CAPN3: variants seen among roughly 807,000 people sequenced by gnomAD.
CAPN3 encodes calpain-3.
In CAPN3, 88 loss-of-function variants were observed where a neutral mutation model predicts 114.0. That is an observed-to-expected ratio of 0.77 (90% CI 0.65 to 0.92). The LOEUF (loss-of-function observed/expected upper bound fraction) is 0.92. CAPN3 is among the 40% of genes least tolerant of loss of function. The pLI, the probability that CAPN3 is intolerant of heterozygous loss-of-function variation, is 0.00. For synonymous variants in CAPN3, 386 were observed against 382.9 expected, an observed-to-expected ratio of 1.01 and a Z score of -0.09; for missense variants, 1,028 against 1,069.0, an observed-to-expected ratio of 0.96 and a Z score of 0.53.
At chr15:42,370,292 C>T (rs1380770989) in intron 1 of CAPN3, among the ~76,000 whole-genome samples, 1 of 152,170 alleles carries the variant, frequency 6.6e-6, no homozygotes, top group Non-Finnish European at 1.5e-5. Context: ...TGTATCTTCT[C>T]AGCCAGGAGT....
At chr15:42,370,029 C>T (rs552070304) in intron 1 of CAPN3, among the ~76,000 whole-genome samples, 23 of 152,124 alleles carry the variant, frequency 1.5e-4, no homozygotes, top group Middle Eastern at 3.4e-3. Flanking sequence ...CCCGGCACCA[C>T]GCTTGGCTAA....
intron 13 of CAPN3, 38 bp from the exon 14 acceptor site, chr15:42,403,703 G>A: frequency 6.2e-7 from 1 of 1,602,820 alleles, no homozygotes; most frequent in Non-Finnish European, 8.5e-7. Context: ...GCTTGCTTCT[G>A]GTGACACTGA....
chr15:42,412,118 A>G lies in CAPN3; in HGVS notation c.*345A>G. On this transcript the variant is annotated 3_prime_UTR_variant, in exon 24 of 24. Coordinates refer to ENST00000397163, the MANE Select transcript of CAPN3 (RefSeq NM_000070.3). ...GCAGAAGCACCTGCCGGTGGCACTCAGCACCTCCTTGTGCTAGAGCCCTCC... is the reference window on the plus strand; with the variant it reads ...GCAGAAGCACCTGCCGGTGGCACTCGGCACCTCCTTGTGCTAGAGCCCTCC... 2 of 1,535,890 alleles carry G rather than the reference A, an allele frequency of 1.3e-6. No individual in the cohort carries two copies. The highest frequency in any genetic ancestry group is 1.7e-6 in the Non-Finnish European group (2 of 1,146,878).
chr15:42,410,038 C>G, intron 19 of CAPN3, 43 bp downstream of exon 19: 2 of 1,583,686 alleles, frequency 1.3e-6, no homozygotes, highest in South Asian at 2.2e-5. Context: ...GTCATCAGCC[C>G]ACGGGGGCCA....
At position 42,402,816 on chromosome 15, in the gene CAPN3, T is replaced by A; in HGVS notation, c.1559T>A (p.Leu520Gln). The stretch of plus-strand genomic sequence containing the variant: ...CAGATGCACGGGAACAAGCAGCACC[T>A]GCAGAAGGACTTCTTCCTGTACAAC... The part of the protein sequence containing the change: ...PKEMHGNKQH[L>Q]QKDFFLYNAS... The change falls in exon 13 of 24, where the codon CTG becomes CAG. Residue 520 changes from leucine to glutamine, a missense_variant. Transcript: ENST00000397163. 6.2e-7 allele frequency: 1 copy of A among 1,614,168 alleles called. No individual in the cohort carries two copies. The highest frequency in any genetic ancestry group is 8.5e-7 in the Non-Finnish European group (1 of 1,180,012).
chr15:42,375,023 A>C (rs2053052995), intron 1 of CAPN3, among the ~76,000 whole-genome samples: 1 of 140,772 alleles, frequency 7.1e-6, no homozygotes, highest in African/African-American at 3.0e-5. Context: ...TTATTTATTT[A>C]TTTATTTATT....
In CAPN3 at chr15:42,399,746, A is replaced by G. The variant is rs1205520479; in HGVS notation, c.1354+94A>G. 8.4e-6 allele frequency: 9 copies of G among 1,072,372 alleles called. No homozygotes were observed. In the African/African-American group the frequency reaches 1.1e-4, roughly 13 times the overall value. The allele number at this position is 1,072,372 out of a possible 1,614,324, so 66.4% of individuals were successfully genotyped here. ...TGCTTATTAAGTCTCTCTGTTCCAG[A>G]CGTCCACTATCTTATTAAACCTTCC... On this transcript the variant is annotated intron_variant, in intron 10 of 23. Coordinates refer to ENST00000397163, the MANE Select transcript of CAPN3 (RefSeq NM_000070.3).
At chr15:42,371,196 C>T (rs1258713417) in intron 1 of CAPN3, among the ~76,000 whole-genome samples, 11 of 151,248 alleles carry the variant, frequency 7.3e-5, no homozygotes, top group Non-Finnish European at 1.6e-4. Context: ...AGTGTCATCA[C>T]GGGGGTAGGG....
At chr15:42,398,410 C>T (rs571855773) in intron 9 of CAPN3, among the ~76,000 whole-genome samples, 1 of 151,902 alleles carries the variant, frequency 6.6e-6, no homozygotes, top group Non-Finnish European at 1.5e-5. Context: ...CATGGTGAAA[C>T]CCCATCTCTA....
rs2053812538 is a variant in CAPN3 at position 42,399,719 on chromosome 15, A to G, written c.1354+67A>G. The G allele has an allele frequency of 4.6e-6, 6 of 1,303,918 alleles. No homozygotes were observed. In the South Asian group the frequency reaches 6.8e-5, roughly 15 times the overall value. The allele number at this position is 1,303,918 out of a possible 1,614,324, so 80.8% of individuals were successfully genotyped here. On this transcript the variant is annotated intron_variant, in intron 10 of 23. Coordinates refer to ENST00000397163, the MANE Select transcript of CAPN3 (RefSeq NM_000070.3). ...AGTTCCAGGCAGAAGAAGCCTAACT[A>G]GTGCTTATTAAGTCTCTCTGTTCCA...
At position 42,412,292 on chromosome 15, in the gene CAPN3, A is replaced by G; in HGVS notation, c.*519A>G. On this transcript the variant is annotated 3_prime_UTR_variant, in exon 24 of 24. Coordinates refer to ENST00000397163, the MANE Select transcript of CAPN3 (RefSeq NM_000070.3). Reference sequence around the variant, plus strand: ...GCTGCATTTTGAAAAAAGCTGATCTAAATAAAGGCATGTGTATGGCTGGTC... The same window carrying G: ...GCTGCATTTTGAAAAAAGCTGATCTGAATAAAGGCATGTGTATGGCTGGTC... 1 of 1,048,234 alleles carries G rather than the reference A, an allele frequency of 9.5e-7. No homozygotes were observed. Among genetic ancestry groups the G allele is most frequent in the Non-Finnish European group, 1.4e-6 (1 of 718,672 alleles). 64.9% of individuals were successfully genotyped at this position (1,048,234 alleles called of 1,614,324 possible).
chr15:42,410,075 G>C, intron 19 of CAPN3, 80 bp downstream of exon 19: 2 of 1,292,662 alleles, frequency 1.5e-6, no homozygotes, highest in Non-Finnish European at 2.2e-6. Flanking sequence ...GCCCAGTCAG[G>C]CAAAGGGCCC....
intron 1 of CAPN3, among the ~76,000 whole-genome samples, chr15:42,380,503 C>G (rs1237116425): frequency 6.8e-6 from 1 of 147,212 alleles, no homozygotes; most frequent in African/African-American, 2.5e-5. Context: ...ATCTCAGCCT[C>G]CTGAGTAGCT....
chr15:42,403,704 G>T (rs769515400), intron 13 of CAPN3, 37 bp from the exon 14 acceptor site: 1 of 1,605,612 alleles, frequency 6.2e-7, no homozygotes, highest in Non-Finnish European at 8.5e-7. Flanking sequence ...CTTGCTTCTG[G>T]TGACACTGAG....
intron 11 of CAPN3, 139 bp from the exon 12 acceptor site, chr15:42,401,985 A>G (rs952475557): frequency 7.6e-7 from 1 of 1,315,304 alleles, no homozygotes; most frequent in African/African-American, 1.6e-5. Context: ...GGCATTAGAG[A>G]GGCAGTGGAG....
intron 1 of CAPN3, among the ~76,000 whole-genome samples, chr15:42,360,635 A>G (rs1237473043): frequency 2.0e-5 from 3 of 152,200 alleles, no homozygotes; most frequent in African/African-American, 7.2e-5. Flanking sequence ...ATATTTTTTC[A>G]TGCATAAAAT....
chr15:42,409,785 A>G lies in CAPN3; in HGVS notation c.1993-2A>G. 6.3e-7 allele frequency: 1 copy of G among 1,597,556 alleles called. No individual in the cohort carries two copies. Among genetic ancestry groups the G allele is most frequent in the African/African-American group, 1.4e-5 (1 of 73,568 alleles). On this transcript the variant is annotated splice_acceptor_variant, in intron 17 of 23. Coordinates refer to ENST00000397163, the MANE Select transcript of CAPN3 (RefSeq NM_000070.3). LOFTEE classifies it high-confidence loss of function. Reference sequence around the variant, plus strand: ...ATGACCCTCCTCTCCCTTCCTCCTCAGGACATGGAGATCTGTGCAGATGAG... The same window carrying G: ...ATGACCCTCCTCTCCCTTCCTCCTCGGGACATGGAGATCTGTGCAGATGAG...
Position 42,402,133 on chromosome 15 carries a change from G to A in CAPN3, c.1534G>A (p.Glu512Lys). Residue 512 changes from glutamate to lysine, a missense_variant and splice_region_variant, in exon 12 of 24, where the codon GAG becomes AAG. Transcript: ENST00000397163. ...TCTGTTTCTTCTCAAGGTTCCCAAA[G>A]AGGTATAGCAGCAGCAGCGGCCAGC... ...IGFAIYEVPK[E>K]MHGNKQHLQK... The A allele has an allele frequency of 6.2e-7, 1 of 1,614,094 alleles. No homozygotes were observed. The highest frequency in any genetic ancestry group is 8.5e-7 in the Non-Finnish European group (1 of 1,180,026).
Position 42,360,717 on chromosome 15 carries a change from A to G in CAPN3, c.309+603A>G, listed in dbSNP as rs28364375. Among the ~76,000 whole-genome samples the G allele has an allele frequency of 8.1e-3, 1,229 of 152,282 alleles. 14 individuals are homozygous for G. The highest frequency in any genetic ancestry group is 0.028 in the African/African-American group (1,175 of 41,548). Reference sequence around the variant, plus strand: ...ACCTCACCTCATAAGTGAGGAGTCAAGGCACACTAGAGTGAAATATATCTA... The same window carrying G: ...ACCTCACCTCATAAGTGAGGAGTCAGGGCACACTAGAGTGAAATATATCTA... On this transcript the variant is annotated intron_variant, in intron 1 of 23. Coordinates refer to ENST00000397163, the MANE Select transcript of CAPN3 (RefSeq NM_000070.3).
Sources: gnomAD v4.1 joint callset for allele counts (sites outside exome capture counted in the v4.1 genomes callset) on GRCh38, gnomAD v4.1.1 for gene constraint, MANE v1.5 for transcripts, NCBI Gene and HGNC (gene_info 2026-07-23, HGNC 2026-07-21) for gene names.